The following SHANK2 variants were observed in gnomAD, a reference collection of about 807,000 sequenced individuals.
SHANK2 encodes SH3 and multiple ankyrin repeat domains protein 2.
In SHANK2, 43 loss-of-function variants were observed where a neutral mutation model predicts 133.7. The ratio of observed to expected loss-of-function variants is 0.32; its 90% CI spans 0.25 to 0.41. The LOEUF (loss-of-function observed/expected upper bound fraction) is 0.41, where lower values mean the gene tolerates loss of function less well. SHANK2 is among the 10% of genes least tolerant of loss of function. SHANK2 has a pLI of 1.00. For missense variants in SHANK2, 1,994 were observed against 2,235.8 expected (o/e 0.89, Z 2.18); for synonymous variants, 1,017 against 952.8 (o/e 1.07, Z -1.24).
chr11:70,560,625 CT>C (rs1460474054), intron 17 of SHANK2, among the ~76,000 whole-genome samples: 4 of 150,070 alleles, frequency 2.7e-5, no homozygotes, highest in African/African-American at 4.9e-5. Flanking sequence ...GATTCCAAGA[CT>C]TTTTTTCGTT....
intron 17 of SHANK2, among the ~76,000 whole-genome samples, chr11:70,563,578 G>GC (rs35832113): frequency 0.22 from 21,823 of 97,214 alleles, 1,844 homozygotes; most frequent in East Asian, 0.46. Flanking sequence ...TGCTTTTGTT[G>GC]CCCAGGCTAG....
intron 2 of SHANK2, among the ~76,000 whole-genome samples, chr11:71,173,221 T>C (rs1158594356): frequency 6.6e-6 from 1 of 152,242 alleles, no homozygotes; most frequent in Non-Finnish European, 1.5e-5. Flanking sequence ...GGAAAATCTG[T>C]CTCACCCCTC....
rs189268230 is a variant in SHANK2, at chr11:70,817,248, C to T, written c.1493+3116G>A. ...CCACTGGCAGGTCCTAGTTAGGACA[C>T]GGGTCTTAAGGGAAGGACCTCTCAG... On this transcript the variant is annotated intron_variant, in intron 12 of 25. Coordinates refer to ENST00000601538, the MANE Select transcript of SHANK2 (RefSeq NM_012309.5). Among the ~76,000 whole-genome samples the T allele has an allele frequency of 2.2e-3, 332 of 152,316 alleles. 1 individual carries two copies. Among genetic ancestry groups the T allele is most frequent in the African/African-American group, 7.7e-3 (322 of 41,586 alleles).
intron 1 of SHANK2, among the ~76,000 whole-genome samples, chr11:71,242,616 T>C (rs1555124528): frequency 6.6e-6 from 1 of 152,134 alleles, no homozygotes; most frequent in East Asian, 1.9e-4. Context: ...ACTACATCAC[T>C]GCTTATTTAT....
chr11:70,755,073 CTTTT>C (rs1190667411), intron 14 of SHANK2, among the ~76,000 whole-genome samples: 1 of 145,576 alleles, frequency 6.9e-6, no homozygotes, highest in Non-Finnish European at 1.5e-5. Context: ...TGTTCATAAT[CTTTT>C]TTTTTTTTTT....
At chr11:71,087,370 G>A (rs1951433597) in intron 8 of SHANK2, among the ~76,000 whole-genome samples, 1 of 152,160 alleles carries the variant, frequency 6.6e-6, no homozygotes, top group African/African-American at 2.4e-5. Context: ...AAAGGACGGA[G>A]CTCCAGGAAT....
intron 11 of SHANK2, among the ~76,000 whole-genome samples, chr11:70,843,429 G>A (rs1362800705): frequency 4.6e-5 from 7 of 151,968 alleles, no homozygotes; most frequent in African/African-American, 1.7e-4. Context: ...AGACAGAGCT[G>A]AAATTCGTAT....
chr11:70,653,567 C>T (rs1223413910), intron 17 of SHANK2, among the ~76,000 whole-genome samples: 1 of 61,786 alleles, frequency 1.6e-5, no homozygotes, highest in Non-Finnish European at 3.5e-5. Context: ...CTCAGCCTTC[C>T]AAAAAAAAAA....
chr11:70,746,111 C>T (rs781782959), intron 14 of SHANK2, among the ~76,000 whole-genome samples: 5 of 152,198 alleles, frequency 3.3e-5, no homozygotes, highest in African/African-American at 9.7e-5. Context: ...GGGTCAGAAT[C>T]TCACACCCAC....
In SHANK2 at chr11:71,109,980, G is replaced by C; in HGVS notation, c.553C>G (p.Arg185Gly). ...LVEKITKMLD[R>G]GLDPNFHDPE... ...TCGTGGAAATTGGGATCCAGGCCTC[G>C]GTCCAGCATCTTGGTGATCTTCTCC... The change falls in exon 6 of 26, where the codon CGA becomes GGA. Residue 185 changes from arginine to glycine, a missense_variant. Arg to Gly is a moderately radical substitution (Grantham distance 125). Around this residue, in one of 5 missense-constraint regions of SHANK2, gnomAD observed 653 missense variants for 563.4 expected, o/e 1.16. Transcript: ENST00000601538. 1.3e-6 allele frequency: 2 copies of C among 1,551,632 alleles called. No homozygotes were observed. Among genetic ancestry groups the C allele is most frequent in the Non-Finnish European group, 1.7e-6 (2 of 1,146,916 alleles).
rs1953772635 is a variant in SHANK2 at position 71,190,590 on chromosome 11, T to C, written c.-13+34107A>G. Among the ~76,000 whole-genome samples, 3 of 152,216 alleles carry C rather than the reference T, an allele frequency of 2.0e-5. 1 individual carries two copies. Among genetic ancestry groups the C allele is most frequent in the Admixed American group, 2.0e-4 (3 of 15,284 alleles). ...AAGTGCGTCACCACCCACCAAGGCA[T>C]GAGGCCTCTGCAGGGAATCGGCCTC... is the stretch of plus-strand genomic sequence containing the variant. On this transcript the variant is annotated intron_variant, in intron 2 of 25. Transcript: ENST00000601538.
intron 14 of SHANK2, among the ~76,000 whole-genome samples, chr11:70,768,481 A>G (rs992870678): frequency 1.3e-5 from 2 of 152,166 alleles, no homozygotes; most frequent in African/African-American, 4.8e-5. Context: ...GTGGCGGCAC[A>G]GTGGGGAGGT....
intron 17 of SHANK2, among the ~76,000 whole-genome samples, chr11:70,516,225 G>A (rs868909210): frequency 1.3e-5 from 2 of 152,190 alleles, no homozygotes; most frequent in Non-Finnish European, 2.9e-5. Flanking sequence ...AACTTCAAGA[G>A]TTACTATACA....
chr11:70,654,810 C>G (rs1393445693), intron 17 of SHANK2, among the ~76,000 whole-genome samples: 1 of 151,424 alleles, frequency 6.6e-6, no homozygotes, highest in Non-Finnish European at 1.5e-5. Flanking sequence ...CTCTGTCACC[C>G]AGGCTGGAGT....
chr11:70,587,037 G>A (rs1196596428), intron 17 of SHANK2, among the ~76,000 whole-genome samples: 2 of 152,160 alleles, frequency 1.3e-5, no homozygotes, highest in African/African-American at 2.4e-5. Flanking sequence ...ACATGCCAGT[G>A]CTCTTGTTGA....
rs144879351 is a variant in SHANK2, at chr11:70,510,718, C to T, written c.2062-7787G>A. Among the ~76,000 whole-genome samples the T allele has an allele frequency of 5.4e-3, 820 of 152,314 alleles. 14 individuals carry two copies. Among genetic ancestry groups the T allele is most frequent in the African/African-American group, 0.019 (783 of 41,578 alleles). Reference sequence around the variant, plus strand: ...CTACCTTTAGAGGAAGTGTCTCTGCCTTGTGCGAGTCATAGCACAGTGAGT... The same window carrying T: ...CTACCTTTAGAGGAAGTGTCTCTGCTTTGTGCGAGTCATAGCACAGTGAGT... On this transcript the variant is annotated intron_variant, in intron 17 of 25. Coordinates refer to ENST00000601538, the MANE Select transcript of SHANK2 (RefSeq NM_012309.5).
At chr11:70,503,531 G>A (rs1555159361) in intron 17 of SHANK2, among the ~76,000 whole-genome samples, 1 of 152,236 alleles carries the variant, frequency 6.6e-6, no homozygotes, top group African/African-American at 2.4e-5. Flanking sequence ...TGGGGGCCCT[G>A]TCCCTGTGCT....
intron 4 of SHANK2, among the ~76,000 whole-genome samples, chr11:71,118,122 C>T (rs868919967): frequency 1.1e-3 from 171 of 152,208 alleles, no homozygotes; most frequent in African/African-American, 3.7e-3. Flanking sequence ...TGGGGAGCCC[C>T]GTTCTCCATG....
At chr11:70,791,936 CTG>C (rs1408377527) in intron 14 of SHANK2, among the ~76,000 whole-genome samples, 1 of 152,210 alleles carries the variant, frequency 6.6e-6, no homozygotes, top group East Asian at 1.9e-4. Context: ...CCACTGGAGA[CTG>C]TGAAGTCCCA....
Sources: allele counts gnomAD v4.1 joint callset (sites outside exome capture counted in the v4.1 genomes callset), GRCh38; gene constraint gnomAD v4.1.1; regional missense constraint gnomAD v4.1.1; transcripts MANE v1.5; gene names NCBI Gene and HGNC (gene_info 2026-07-23, HGNC 2026-07-21).